The following KCNMA1 variants were observed in gnomAD, a reference collection of about 807,000 sequenced individuals.
KCNMA1 encodes the protein potassium calcium-activated channel subfamily M alpha 1.
In KCNMA1, 29 loss-of-function variants were observed where a neutral mutation model predicts 140.0. The ratio of observed to expected loss-of-function variants is 0.21; its 90% CI spans 0.15 to 0.28. KCNMA1 has a LOEUF of 0.28. Among genes scored for constraint, KCNMA1 ranks in the 10% least tolerant of loss-of-function variants. The pLI is 1.00. For synonymous variants in KCNMA1, 612 were observed against 611.9 expected (o/e 1.00, Z 0.00); for missense variants, 880 against 1,602.2 (o/e 0.55, Z 7.70).
At chr10:77,450,089 T>G (rs2097605128) in intron 1 of KCNMA1, among the ~76,000 whole-genome samples, 1 of 152,158 alleles carries the variant, frequency 6.6e-6, no homozygotes, top group African/African-American at 2.4e-5. Context: ...ATTCATTTAT[T>G]TATTTATTTG....
chr10:77,587,828 G>T, intron 1 of KCNMA1: 1 of 985,310 alleles, frequency 1.0e-6, no homozygotes, highest in Non-Finnish European at 1.2e-6. Flanking sequence ...TTATCTCACC[G>T]ACAGATCATC....
chr10:77,287,289 T>C (rs2071336042), intron 2 of KCNMA1, among the ~76,000 whole-genome samples: 1 of 152,226 alleles, frequency 6.6e-6, no homozygotes. Flanking sequence ...ACATTTTGCA[T>C]GGATAATTCA....
chr10:77,197,140 T>C (rs1257679486), intron 3 of KCNMA1, among the ~76,000 whole-genome samples: 1 of 152,208 alleles, frequency 6.6e-6, no homozygotes, highest in Non-Finnish European at 1.5e-5. Context: ...AGTAGTACCA[T>C]TTCATTTCTT....
chr10:77,577,098 TC>T (rs1567657088), intron 1 of KCNMA1, among the ~76,000 whole-genome samples: 3 of 144,342 alleles, frequency 2.1e-5, no homozygotes, highest in East Asian at 2.0e-4. Flanking sequence ...CTACACACTC[TC>T]TTTTTTTTTC....
chr10:77,557,416 A>G (rs1326066507), intron 1 of KCNMA1, among the ~76,000 whole-genome samples: 1 of 152,232 alleles, frequency 6.6e-6, no homozygotes, highest in Non-Finnish European at 1.5e-5. Flanking sequence ...AAATAGGCCT[A>G]TAATATTTGC....
intron 1 of KCNMA1, among the ~76,000 whole-genome samples, chr10:77,573,496 C>G (rs1468910643): frequency 6.6e-6 from 1 of 152,122 alleles, no homozygotes; most frequent in Non-Finnish European, 1.5e-5. Flanking sequence ...CCTCAGCATC[C>G]TCCTCTACAG....
At chr10:77,160,061 G>T (rs1312318102) in intron 5 of KCNMA1, among the ~76,000 whole-genome samples, 2 of 152,152 alleles carry the variant, frequency 1.3e-5, no homozygotes, top group African/African-American at 4.8e-5. Flanking sequence ...CTGTGCATCT[G>T]CAGGACACGG....
At chr10:77,456,563 G>A (rs915149800) in intron 1 of KCNMA1, among the ~76,000 whole-genome samples, 81 of 152,208 alleles carry the variant, frequency 5.3e-4, no homozygotes, top group African/African-American at 1.7e-3. Flanking sequence ...TTAGCAAAAC[G>A]TCTGGCATAT....
At chr10:76,977,388 T>C (rs1024118106) in intron 19 of KCNMA1, among the ~76,000 whole-genome samples, 1 of 152,160 alleles carries the variant, frequency 6.6e-6, no homozygotes, top group Non-Finnish European at 1.5e-5. Context: ...TAAAAAGATA[T>C]GAAATTTGGT....
At chr10:77,339,094 T>C (rs1455569239) in intron 2 of KCNMA1, among the ~76,000 whole-genome samples, 1 of 151,744 alleles carries the variant, frequency 6.6e-6, no homozygotes, top group African/African-American at 2.4e-5. Flanking sequence ...ATATACAGTG[T>C]ATCTGTGGTA....
chr10:76,903,873 T>C (rs1340717683), intron 25 of KCNMA1: 1 of 152,132 alleles, frequency 6.6e-6, no homozygotes, highest in Admixed American at 6.5e-5. Flanking sequence ...ACAGGCCAGC[T>C]CTCTGATATT....
intron 5 of KCNMA1, among the ~76,000 whole-genome samples, chr10:77,151,297 G>T (rs955072907): frequency 1.3e-5 from 2 of 151,320 alleles, no homozygotes; most frequent in Non-Finnish European, 2.9e-5. Flanking sequence ...TGCCAGATCA[G>T]CTCACTGCAA....
chr10:77,532,991 T>C (rs1418462843), intron 1 of KCNMA1, among the ~76,000 whole-genome samples: 1 of 152,242 alleles, frequency 6.6e-6, no homozygotes, highest in Non-Finnish European at 1.5e-5. Context: ...CATCTGTAAT[T>C]AATTATTCTA....
At chr10:77,554,089 G>A (rs750377338) in intron 1 of KCNMA1, among the ~76,000 whole-genome samples, 4 of 152,080 alleles carry the variant, frequency 2.6e-5, no homozygotes, top group Non-Finnish European at 2.9e-5. Context: ...CTCACTGGGC[G>A]ACACAAGCTC....
At chr10:77,401,092 GCT>G (rs1238313625) in intron 2 of KCNMA1, among the ~76,000 whole-genome samples, 1 of 151,588 alleles carries the variant, frequency 6.6e-6, no homozygotes, top group Non-Finnish European at 1.5e-5. Flanking sequence ...TTGTCCCCCA[GCT>G]CTCTCTGTAC....
At chr10:77,076,644 C>T (rs575067462) in intron 13 of KCNMA1, among the ~76,000 whole-genome samples, 1 of 152,302 alleles carries the variant, frequency 6.6e-6, no homozygotes, top group African/African-American at 2.4e-5. Context: ...CTTAGATGCC[C>T]TGCTCTGAAG....
intron 9 of KCNMA1, among the ~76,000 whole-genome samples, chr10:77,095,326 G>A (rs1264508899): frequency 1.3e-5 from 2 of 152,106 alleles, no homozygotes; most frequent in African/African-American, 2.4e-5. Flanking sequence ...ATATTTCTTG[G>A]GCAAAGGTAA....
chr10:77,030,426 C>A (rs2093847130), intron 15 of KCNMA1, among the ~76,000 whole-genome samples: 1 of 152,116 alleles, frequency 6.6e-6, no homozygotes, highest in Admixed American at 6.5e-5. Context: ...AATTAAGTAA[C>A]CACTTTCTAA....
intron 1 of KCNMA1, among the ~76,000 whole-genome samples, chr10:77,486,451 T>G (rs968143677): frequency 1.3e-5 from 2 of 152,218 alleles, no homozygotes; most frequent in Non-Finnish European, 2.9e-5. Context: ...TTTCCAGGGT[T>G]GTTCTAAAGA....
Sources: gnomAD v4.1 joint callset for allele counts (sites outside exome capture counted in the v4.1 genomes callset) on GRCh38, gnomAD v4.1.1 for gene constraint, MANE v1.5 for transcripts, NCBI Gene and HGNC (gene_info 2026-07-23, HGNC 2026-07-21) for gene names.